SAA2: variants seen among roughly 807,000 people sequenced by gnomAD.
The protein encoded by SAA2 is serum amyloid A-2 protein.
In SAA2, 5 loss-of-function variants were observed where a neutral mutation model predicts 9.1. The ratio of observed to expected loss-of-function variants is 0.55; its 90% CI spans 0.29 to 1.16. The LOEUF is 1.16. Among genes scored for constraint, SAA2 ranks in the 50% most tolerant of loss-of-function variants. SAA2 has a pLI of 0.09. For missense variants in SAA2, 94 were observed against 153.8 expected, an observed-to-expected ratio of 0.61 and a Z score of 2.06; for synonymous variants, 49 against 59.8, an observed-to-expected ratio of 0.82 and a Z score of 0.83.
downstream of SAA2, chr11:18,245,136 A>G: frequency 1.2e-6 from 1 of 815,650 alleles, no homozygotes; most frequent in Non-Finnish European, 1.8e-6. Flanking sequence ...ACATCCAAAC[A>G]CATAGGCCTA....
At chr11:18,240,629 A>G (rs1368206533), downstream of SAA2, among the ~76,000 whole-genome samples, 1 of 152,238 alleles carries the variant, frequency 6.6e-6, no homozygotes, top group Non-Finnish European at 1.5e-5. Flanking sequence ...CAGTGGGGAA[A>G]TGATACCTTA....
downstream of SAA2, among the ~76,000 whole-genome samples, chr11:18,238,399 C>T (rs1304450828): frequency 1.3e-5 from 2 of 151,978 alleles, no homozygotes; most frequent in East Asian, 3.8e-4. Flanking sequence ...TATTTATGTT[C>T]TTGTCTTTAT....
downstream of SAA2, among the ~76,000 whole-genome samples, chr11:18,240,986 C>T (rs1857328533): frequency 6.6e-6 from 1 of 151,914 alleles, no homozygotes; most frequent in African/African-American, 2.4e-5. Context: ...AGGACAAGTA[C>T]CAAGATTCTA....
At chr11:18,243,257 T>G (rs1220467746), downstream of SAA2, among the ~76,000 whole-genome samples, 1 of 152,210 alleles carries the variant, frequency 6.6e-6, no homozygotes, top group Non-Finnish European at 1.5e-5. Context: ...ATATGTTGAT[T>G]GCAAAGTTTT....
intron 2 of SAA2, among the ~76,000 whole-genome samples, chr11:18,246,725 G>A (rs1353977613): frequency 3.3e-5 from 5 of 151,814 alleles, no homozygotes; most frequent in East Asian, 1.9e-4. Context: ...TAGACACAGG[G>A]TTTCACCATG....
intron 2 of SAA2, 105 bp from the exon 3 acceptor site, chr11:18,246,153 C>T (rs1857526303): frequency 3.4e-6 from 5 of 1,482,648 alleles, no homozygotes; most frequent in Non-Finnish European, 4.6e-6. Context: ...TGACTTCAAG[C>T]TTTCAGCCTG....
At chr11:18,245,198 C>G, downstream of SAA2, 1 of 1,405,428 alleles carries the variant, frequency 7.1e-7, no homozygotes, top group Non-Finnish European at 9.4e-7. Context: ...TTGTACCAAA[C>G]AGGCAGTCAG....
chr11:18,247,013 T>C (rs1346629659), intron 2 of SAA2, among the ~76,000 whole-genome samples: 1 of 152,264 alleles, frequency 6.6e-6, no homozygotes, highest in Non-Finnish European at 1.5e-5. Flanking sequence ...GCAAGAGCCC[T>C]GACCTCAAGC....
At chr11:18,245,750 T>C (rs1017901129) in intron 3 of SAA2, among the ~76,000 whole-genome samples, 160 bp downstream of exon 3, 10 of 152,142 alleles carry the variant, frequency 6.6e-5, no homozygotes, top group Admixed American at 6.5e-4. Flanking sequence ...ACTCCTACCA[T>C]CCACTCAGAC....
intron 3 of SAA2, among the ~76,000 whole-genome samples, 169 bp from the exon 4 acceptor site, chr11:18,245,684 T>A (rs1857492394): frequency 1.3e-5 from 2 of 152,182 alleles, no homozygotes; most frequent in Admixed American, 1.3e-4. Flanking sequence ...TCAGACAGGC[T>A]GGGCACCCCT....
At position 18,245,280 on chromosome 11, in the gene SAA2, A is replaced by G. The variant is rs1857467747; in HGVS notation, c.*97T>C. On this transcript the variant is annotated 3_prime_UTR_variant, in exon 4 of 4. Transcript: ENST00000256733. Reference sequence around the variant, plus strand: ...ATTTATTAGATGCCTATTATATGCCATATCTCAGCTTCTCTGGACATAGAC... The same window carrying G: ...ATTTATTAGATGCCTATTATATGCCGTATCTCAGCTTCTCTGGACATAGAC... 5.8e-6 allele frequency: 9 copies of G among 1,559,746 alleles called. No homozygotes were observed. The South Asian group carries it at 9.7e-5, about 17-fold the overall frequency.
chr11:18,241,529 TG>T (rs1857345256), downstream of SAA2, among the ~76,000 whole-genome samples: 1 of 152,158 alleles, frequency 6.6e-6, no homozygotes, highest in African/African-American at 2.4e-5. Flanking sequence ...GGGGTGTGTG[TG>T]TATGTCTGTA....
chr11:18,238,804 A>C (rs1226775878), downstream of SAA2, among the ~76,000 whole-genome samples: 68 of 119,996 alleles, frequency 5.7e-4, no homozygotes, highest in Admixed American at 1.1e-3. Flanking sequence ...ACCTCCCCTC[A>C]CTCCCCCCCT....
chr11:18,244,616 C>A (rs974852558), downstream of SAA2, among the ~76,000 whole-genome samples: 1 of 152,144 alleles, frequency 6.6e-6, no homozygotes, highest in African/African-American at 2.4e-5. Context: ...CCAAAGGGAC[C>A]CTGACTGATA....
chr11:18,241,897 T>C (rs1159613485), downstream of SAA2, among the ~76,000 whole-genome samples: 1 of 152,108 alleles, frequency 6.6e-6, no homozygotes, highest in African/African-American at 2.4e-5. Context: ...CCCCTAAATC[T>C]ATAAATAAAT....
chr11:18,244,310 C>A (rs562319663), downstream of SAA2, among the ~76,000 whole-genome samples: 1 of 152,180 alleles, frequency 6.6e-6, no homozygotes, highest in Non-Finnish European at 1.5e-5. Flanking sequence ...CTATCTCCTG[C>A]CCCCAAGCAG....
exon 4 of SAA2, chr11:18,239,657 A>G (rs1247196792): frequency 9.5e-6 from 4 of 423,040 alleles, no homozygotes; most frequent in African/African-American, 4.1e-5. Flanking sequence ...GGGATTCTGG[A>G]ACACCATGCT....
chr11:18,239,656 G>A (rs11024576), exon 4 of SAA2: 180,379 of 421,066 alleles, frequency 0.43, 45,065 homozygotes, highest in Non-Finnish European at 0.51. Context: ...AGGGATTCTG[G>A]AACACCATGC....
chr11:18,238,802 T>G (rs1036433172), downstream of SAA2, among the ~76,000 whole-genome samples: 1 of 146,982 alleles, frequency 6.8e-6, no homozygotes, highest in Non-Finnish European at 1.5e-5. Flanking sequence ...TCACCTCCCC[T>G]CACTCCCCCC....
Sources: allele counts gnomAD v4.1 joint callset (sites outside exome capture counted in the v4.1 genomes callset), GRCh38; gene constraint gnomAD v4.1.1; transcripts MANE v1.5; gene names NCBI Gene and HGNC (gene_info 2026-07-23, HGNC 2026-07-21).